The following IL16 variants were observed in gnomAD, a reference collection of about 807,000 sequenced individuals.
IL16 encodes the protein interleukin 16, also known as pro-interleukin-16.
Under a neutral mutation model 110.1 loss-of-function variants are expected in IL16, and 67 were observed. That is an observed-to-expected ratio of 0.61 (90% CI 0.50 to 0.75). IL16 has a LOEUF of 0.75. Ranked by LOEUF, IL16 falls within the 30% of genes least tolerant of loss-of-function variation. The probability of loss-of-function intolerance (pLI) is 0.00; values close to 1 mark genes in which losing one functional copy is unlikely to be tolerated. For synonymous variants in IL16, 689 were observed against 662.9 expected (o/e 1.04, Z -0.61); for missense variants, 1,545 against 1,655.0 (o/e 0.93, Z 1.15).
At chr15:81,199,477 C>T (rs1895730696) in intron 1 of IL16, among the ~76,000 whole-genome samples, 1 of 152,166 alleles carries the variant, frequency 6.6e-6, no homozygotes, top group Non-Finnish European at 1.5e-5. Flanking sequence ...GAGAGGTTTG[C>T]TTTGAGTGGG....
In IL16 at chr15:81,239,002, CT is replaced by C. The variant is rs1017723241; in HGVS notation, c.312+13303del. 1.5e-3 allele frequency among the ~76,000 whole-genome samples: 202 copies of C among 134,830 alleles called. 1 individual carries two copies. Among genetic ancestry groups the C allele is most frequent in the African/African-American group, 2.9e-3 (108 of 36,720 alleles). The allele number at this position is 134,830 out of a possible 152,430, so 88.5% of individuals were successfully genotyped here. The stretch of plus-strand genomic sequence containing the variant: ...ATCTGCTGTCATTTGAATTGGTGTT[CT>C]TTTTTTTTTTTCTTTACAGGTAATG... On this transcript the variant is annotated intron_variant, in intron 2 of 18. Transcript: ENST00000683961.
intron 2 of IL16, among the ~76,000 whole-genome samples, chr15:81,241,247 C>T (rs769963429): frequency 6.6e-6 from 1 of 151,772 alleles, no homozygotes; most frequent in East Asian, 1.9e-4. Flanking sequence ...TATCTCCTTC[C>T]TAGTGTTTAT....
chr15:81,190,206 G>A (rs1319663897), intron 1 of IL16, among the ~76,000 whole-genome samples: 1 of 152,098 alleles, frequency 6.6e-6, no homozygotes, highest in East Asian at 1.9e-4. Flanking sequence ...TTCTCCCCCG[G>A]GTGTGTCACT....
intron 4 of IL16, 121 bp from the exon 5 acceptor site, chr15:81,269,417 C>A: frequency 2.8e-6 from 2 of 707,510 alleles, no homozygotes; most frequent in East Asian, 5.0e-5. Flanking sequence ...GTTACGCTGC[C>A]TGCCCTTAGG....
At position 81,274,609 on chromosome 15, in the gene IL16, A is replaced by G. The variant is rs148051614; in HGVS notation, c.790+1405A>G. ...AGAAGTCAGTGTAAACATAGTATTT[A>G]TATCTGAGTTGCTTGGTGTAATGTT... is the stretch of plus-strand genomic sequence containing the variant. On this transcript the variant is annotated intron_variant, in intron 6 of 18. Transcript: ENST00000683961. Among the ~76,000 whole-genome samples, 753 of 152,334 alleles carry G rather than the reference A, an allele frequency of 4.9e-3. 2 individuals are homozygous for G. Among genetic ancestry groups the G allele is most frequent in the African/African-American group, 0.017 (726 of 41,574 alleles).
intron 1 of IL16, among the ~76,000 whole-genome samples, chr15:81,203,103 G>C (rs1204002949): frequency 1.4e-5 from 2 of 146,882 alleles, no homozygotes; most frequent in Non-Finnish European, 3.0e-5. Context: ...TCATGTGTCT[G>C]TTGGCTGCGT....
At chr15:81,184,626 G>C (rs560741852) in intron 1 of IL16, among the ~76,000 whole-genome samples, 2 of 152,326 alleles carry the variant, frequency 1.3e-5, no homozygotes, top group East Asian at 3.9e-4. Flanking sequence ...CCTCGGTCCA[G>C]GGGTGAGGAG....
rs181300597 is a variant in IL16 at position 81,235,359 on chromosome 15, G to A, written c.312+9648G>A. On this transcript the variant is annotated intron_variant, in intron 2 of 18. Coordinates refer to ENST00000683961, the MANE Select transcript of IL16 (RefSeq NM_172217.5). ...GCTTTTACTCATGATGGAAGATGAA[G>A]AGGGAACAGTTGTGTCACATGGCAA... is the stretch of plus-strand genomic sequence containing the variant. Among the ~76,000 whole-genome samples the A allele has an allele frequency of 2.6e-5, 4 of 152,310 alleles. No homozygotes were observed. In the East Asian group the frequency reaches 5.8e-4, roughly 22 times the overall value.
chr15:81,249,644 T>G (rs1265614641), intron 2 of IL16, among the ~76,000 whole-genome samples: 1 of 152,216 alleles, frequency 6.6e-6, no homozygotes, highest in Non-Finnish European at 1.5e-5. Context: ...GTTTTGCAGT[T>G]TTGCTAAGAA....
chr15:81,273,294 A>G, intron 6 of IL16, 90 bp downstream of exon 6: 1 of 941,284 alleles, frequency 1.1e-6, no homozygotes, highest in Non-Finnish European at 1.6e-6. Context: ...TGGGAATGCA[A>G]AATGTGTCTT....
At chr15:81,236,618 G>A (rs956541146) in intron 2 of IL16, among the ~76,000 whole-genome samples, 7 of 152,104 alleles carry the variant, frequency 4.6e-5, no homozygotes, top group Non-Finnish European at 7.4e-5. Context: ...ATTAGCTCTG[G>A]CAGAACTTCA....
intron 3 of IL16, among the ~76,000 whole-genome samples, chr15:81,261,649 TA>T (rs1462962379): frequency 6.6e-6 from 1 of 152,136 alleles, no homozygotes; most frequent in Non-Finnish European, 1.5e-5. Flanking sequence ...TAGGCCTCGT[TA>T]TTTTTCTAAC....
At position 81,312,350 on chromosome 15, in the gene IL16, A is replaced by G. The variant is rs748817907; in HGVS notation, c.*3552A>G. On this transcript the variant is annotated 3_prime_UTR_variant, in exon 19 of 19. Coordinates refer to ENST00000683961, the MANE Select transcript of IL16 (RefSeq NM_172217.5). ...AGCCAGGGCTGCTAGACGGAGGCCT[A>G]CTCTTCCATCTTTCCTGATGGCAGG... 6.6e-6 allele frequency: 1 copy of G among 152,106 alleles called. No homozygotes were observed. Among genetic ancestry groups the G allele is most frequent in the Non-Finnish European group, 1.5e-5 (1 of 68,042 alleles). The allele number at this position is 152,106 out of a possible 1,614,324, so 9.4% of individuals were successfully genotyped here. A position where few individuals can be genotyped will look rare whatever the true frequency, so the allele number is the denominator to read the frequency against.
At chr15:81,218,706 T>A (rs1896516448) in intron 1 of IL16, among the ~76,000 whole-genome samples, 1 of 152,236 alleles carries the variant, frequency 6.6e-6, no homozygotes, top group African/African-American at 2.4e-5. Context: ...ATTTTATTGA[T>A]GCAAGTAAGT....
chr15:81,293,517 AT>A (rs1390447259), intron 12 of IL16, among the ~76,000 whole-genome samples: 1 of 152,152 alleles, frequency 6.6e-6, no homozygotes, highest in Non-Finnish European at 1.5e-5. Context: ...CCTGGCCAAG[AT>A]GGTGAAACCC....
intron 1 of IL16, among the ~76,000 whole-genome samples, chr15:81,213,868 T>C (rs777769482): frequency 2.0e-5 from 3 of 152,208 alleles, no homozygotes; most frequent in Non-Finnish European, 4.4e-5. Flanking sequence ...ATTTAGTCCA[T>C]TTACATTTAC....
At chr15:81,285,481 G>A (rs1899402167) in intron 9 of IL16, among the ~76,000 whole-genome samples, 1 of 152,210 alleles carries the variant, frequency 6.6e-6, no homozygotes, top group African/African-American at 2.4e-5. Flanking sequence ...AATAGGAAAT[G>A]TCTGCTGCTT....
At chr15:81,263,346 A>ATTTTTTTTGTTTTTT (rs1567024238) in intron 3 of IL16, among the ~76,000 whole-genome samples, 1 of 109,792 alleles carries the variant, frequency 9.1e-6, no homozygotes, top group African/African-American at 4.7e-5. Flanking sequence ...TTCAAAAACT[A>ATTTTTTTTGTTTTTT]TTTTTTTTTG....
At chr15:81,291,174 T>C (rs1192738367) in intron 11 of IL16, among the ~76,000 whole-genome samples, 1 of 152,210 alleles carries the variant, frequency 6.6e-6, no homozygotes, top group Non-Finnish European at 1.5e-5. Context: ...AAGAACAACA[T>C]GCAACCATTG....
Sources: allele counts gnomAD v4.1 joint callset (sites outside exome capture counted in the v4.1 genomes callset), GRCh38; gene constraint gnomAD v4.1.1; transcripts MANE v1.5; gene names NCBI Gene and HGNC (gene_info 2026-07-23, HGNC 2026-07-21).